The following BMPR1B variants were observed in gnomAD, a reference collection of about 807,000 sequenced individuals.
BMPR1B encodes the protein bone morphogenetic protein receptor type-1B.
In BMPR1B, 12 loss-of-function variants were observed where a neutral mutation model predicts 59.1. The observed-to-expected ratio is 0.20, with a 90% CI of 0.13 to 0.33. The LOEUF (loss-of-function observed/expected upper bound fraction) is 0.33. Among genes scored for constraint, BMPR1B ranks in the 10% least tolerant of loss-of-function variants. The pLI, the probability that BMPR1B is intolerant of heterozygous loss-of-function variation, is 1.00. For synonymous variants in BMPR1B, 237 were observed against 207.3 expected (o/e 1.14, Z -1.23); for missense variants, 550 against 610.9 (o/e 0.90, Z 1.05).
chr4:94,954,536 A>G (rs887151502), intron 2 of BMPR1B, among the ~76,000 whole-genome samples: 4 of 152,216 alleles, frequency 2.6e-5, no homozygotes, highest in African/African-American at 9.6e-5. Context: ...ACCTTTGCAG[A>G]ATTGTGATGA....
At chr4:94,940,431 C>T (rs192205514) in intron 2 of BMPR1B, among the ~76,000 whole-genome samples, 2 of 152,266 alleles carry the variant, frequency 1.3e-5, no homozygotes, top group East Asian at 3.9e-4. Flanking sequence ...ATACCCCTGG[C>T]TTATGGGATT....
chr4:95,104,418 T>C lies in BMPR1B; in HGVS notation c.-7T>C. 1 of 1,613,060 alleles carries C rather than the reference T, an allele frequency of 6.2e-7. No homozygotes were observed. The highest frequency in any genetic ancestry group is 8.5e-7 in the Non-Finnish European group (1 of 1,179,422). ...TATTTCTTCTTTCAGCAAACTTCCTTGATAACATGCTTTTGCGAAGTGCAG... is the reference window on the plus strand; with the variant it reads ...TATTTCTTCTTTCAGCAAACTTCCTCGATAACATGCTTTTGCGAAGTGCAG... On this transcript the variant is annotated 5_prime_UTR_variant, in exon 4 of 13. Transcript: ENST00000515059.
intron 6 of BMPR1B, among the ~76,000 whole-genome samples, chr4:95,120,610 T>TTTGCTTCCTTCCTTCCTTCC (rs1732409377): frequency 8.2e-6 from 1 of 122,586 alleles, no homozygotes; most frequent in African/African-American, 3.0e-5. Context: ...ATAGCCTGCC[T>TTTGCTTCCTTCCTTCCTTCC]TTCCTTCCTT....
At chr4:94,954,386 C>G (rs962622022) in intron 2 of BMPR1B, among the ~76,000 whole-genome samples, 5 of 152,322 alleles carry the variant, frequency 3.3e-5, no homozygotes, top group Admixed American at 6.5e-5. Context: ...TATACAAACT[C>G]TGCAGCTTTG....
chr4:95,141,611 G>T (rs746245187), intron 10 of BMPR1B, among the ~76,000 whole-genome samples: 3 of 152,104 alleles, frequency 2.0e-5, no homozygotes, highest in Admixed American at 6.5e-5. Flanking sequence ...ATGTGCTGGC[G>T]GACATCACCA....
At chr4:95,101,197 G>C (rs1730797151) in intron 3 of BMPR1B, among the ~76,000 whole-genome samples, 1 of 152,106 alleles carries the variant, frequency 6.6e-6, no homozygotes, top group African/African-American at 2.4e-5. Context: ...ATTGAGTTCT[G>C]GAAGCCATGT....
At chr4:94,986,073 A>T (rs1003893317) in intron 2 of BMPR1B, among the ~76,000 whole-genome samples, 1 of 152,224 alleles carries the variant, frequency 6.6e-6, no homozygotes, top group African/African-American at 2.4e-5. Context: ...TTTTCCAAAC[A>T]TAAGTATTTA....
chr4:94,865,237 A>G (rs6857732), intron 1 of BMPR1B, among the ~76,000 whole-genome samples: 96,997 of 151,958 alleles, frequency 0.64, 32,416 homozygotes, highest in African/African-American at 0.84. Flanking sequence ...TCGAACTGCC[A>G]ACCTTGCGGT....
intron 3 of BMPR1B, among the ~76,000 whole-genome samples, chr4:95,037,843 T>G (rs1342917269): frequency 1.3e-5 from 2 of 152,104 alleles, no homozygotes; most frequent in Admixed American, 1.3e-4. Flanking sequence ...TGAATACGTA[T>G]TACATAGTCG....
At chr4:94,882,723 G>A (rs906512843) in intron 2 of BMPR1B, among the ~76,000 whole-genome samples, 4 of 152,168 alleles carry the variant, frequency 2.6e-5, no homozygotes, top group African/African-American at 9.7e-5. Context: ...GATTTTCATA[G>A]GGAGGGTCTT....
rs963789557 is a variant in BMPR1B, at chr4:95,058,327, C to T, written c.-17-46081C>T. Among the ~76,000 whole-genome samples the T allele has an allele frequency of 3.3e-5, 5 of 152,162 alleles. No individual in the cohort carries two copies. In the East Asian group the frequency reaches 9.6e-4, roughly 29 times the overall value. ...ATTTCAAATTTACTTTTGAAAACCT[C>T]ATGAGTACCTGGTGAAAATTGTCTT... is the stretch of plus-strand genomic sequence containing the variant. On this transcript the variant is annotated intron_variant, in intron 3 of 12. Transcript: ENST00000515059.
intron 1 of BMPR1B, among the ~76,000 whole-genome samples, chr4:94,812,428 G>A (rs1192025348): frequency 6.6e-6 from 1 of 152,146 alleles, no homozygotes; most frequent in African/African-American, 2.4e-5. Flanking sequence ...TTGGATGCTG[G>A]AATTCCAAAA....
chr4:94,902,245 CACACAGAGAGAG>C (rs1170572156), intron 2 of BMPR1B, among the ~76,000 whole-genome samples: 133 of 91,738 alleles, frequency 1.4e-3, no homozygotes, highest in African/African-American at 5.3e-3. Context: ...CACACACACA[CACACAGAGAGAG>C]AGAGAGAGAG....
intron 2 of BMPR1B, among the ~76,000 whole-genome samples, chr4:94,946,211 G>A (rs1729704478): frequency 6.6e-6 from 1 of 152,076 alleles, no homozygotes; most frequent in African/African-American, 2.4e-5. Flanking sequence ...GTTAACTCTA[G>A]TTTTTCAGAT....
intron 3 of BMPR1B, among the ~76,000 whole-genome samples, chr4:95,024,234 T>C (rs186368650): frequency 1.3e-3 from 205 of 152,346 alleles, no homozygotes; most frequent in African/African-American, 4.6e-3. Context: ...GAAGTGACTT[T>C]AACTTACCTT....
chr4:95,108,321 T>G (rs1252192381), intron 4 of BMPR1B, among the ~76,000 whole-genome samples: 1 of 152,074 alleles, frequency 6.6e-6, no homozygotes, highest in Non-Finnish European at 1.5e-5. Context: ...AGGATAAGGT[T>G]GTATTTTCTA....
chr4:95,143,144 C>T (rs1024623395), intron 10 of BMPR1B, among the ~76,000 whole-genome samples: 2 of 152,166 alleles, frequency 1.3e-5, no homozygotes, highest in African/African-American at 4.8e-5. Context: ...GACTTCCCTC[C>T]CACAGTTACA....
At chr4:95,033,627 G>A (rs759845332) in intron 3 of BMPR1B, among the ~76,000 whole-genome samples, 34 of 152,250 alleles carry the variant, frequency 2.2e-4, no homozygotes, top group Admixed American at 9.8e-4. Context: ...GTGGAAATGA[G>A]GGAATGGCCT....
At chr4:94,883,332 C>G (rs1327195074) in intron 2 of BMPR1B, among the ~76,000 whole-genome samples, 3 of 152,114 alleles carry the variant, frequency 2.0e-5, no homozygotes, top group African/African-American at 7.2e-5. Flanking sequence ...TCTGTTCAAA[C>G]AAGACAAAAC....
Sources: allele counts gnomAD v4.1 joint callset (sites outside exome capture counted in the v4.1 genomes callset), GRCh38; gene constraint gnomAD v4.1.1; transcripts MANE v1.5; gene names NCBI Gene and HGNC (gene_info 2026-07-23, HGNC 2026-07-21).